The following ROR2 variants were observed in gnomAD, a reference collection of about 807,000 sequenced individuals.
ROR2 encodes the protein ROR family WNT receptor 2.
ROR2 carries 33 observed loss-of-function variants against 74.9 expected under a neutral mutation model. The ratio of observed to expected loss-of-function variants is 0.44; its 90% CI spans 0.33 to 0.59. The LOEUF (loss-of-function observed/expected upper bound fraction) is 0.59, where lower values mean the gene tolerates loss of function less well. Among genes scored for constraint, ROR2 ranks in the 20% least tolerant of loss-of-function variants. ROR2 has a pLI of 0.02. For missense variants in ROR2, 1,216 were observed against 1,313.8 expected, an observed-to-expected ratio of 0.93 and a Z score of 1.15; for synonymous variants, 586 against 558.7, an observed-to-expected ratio of 1.05 and a Z score of -0.69.
chr9:91,737,636 A>G (rs1825078825), intron 4 of ROR2, 118 bp from the exon 5 acceptor site: 1 of 1,361,056 alleles, frequency 7.3e-7, no homozygotes, highest in African/African-American at 1.5e-5. Flanking sequence ...TATTTATATA[A>G]GTAAATTTAA....
chr9:91,825,509 C>T (rs542477357), intron 1 of ROR2, among the ~76,000 whole-genome samples: 5 of 152,264 alleles, frequency 3.3e-5, no homozygotes, highest in East Asian at 1.9e-4. Context: ...ATTGCCCAGA[C>T]GATGCAGAAA....
At chr9:91,756,695 C>A (rs1022937774) in intron 3 of ROR2, among the ~76,000 whole-genome samples, 2 of 151,352 alleles carry the variant, frequency 1.3e-5, no homozygotes, top group Admixed American at 6.6e-5. Context: ...GTCTTCTGGG[C>A]TCCAGGTCCA....
intron 1 of ROR2, among the ~76,000 whole-genome samples, chr9:91,898,333 T>G (rs537613902): frequency 6.6e-6 from 1 of 152,248 alleles, no homozygotes; most frequent in South Asian, 2.1e-4. Context: ...GCACTGTGCT[T>G]AGTGCTGGGT....
At chr9:91,726,419 G>T in intron 8 of ROR2, 122 bp downstream of exon 8, 1 of 971,664 alleles carries the variant, frequency 1.0e-6, no homozygotes, top group Non-Finnish European at 1.6e-6. Context: ...AAAATGAAGC[G>T]GAGTTTAAAA....
intron 1 of ROR2, among the ~76,000 whole-genome samples, chr9:91,900,606 C>T (rs1830653318): frequency 6.6e-6 from 1 of 152,214 alleles, no homozygotes; most frequent in Non-Finnish European, 1.5e-5. Flanking sequence ...AGAGTGCTGA[C>T]AGTGAACCAG....
At chr9:91,740,423 GTA>G (rs2118746776) in intron 4 of ROR2, among the ~76,000 whole-genome samples, 1 of 152,008 alleles carries the variant, frequency 6.6e-6, no homozygotes, top group East Asian at 1.9e-4. Flanking sequence ...GTAGTGGTGG[GTA>G]CCTGTAGTCC....
chr9:91,910,739 C>T (rs1465457281), intron 1 of ROR2, among the ~76,000 whole-genome samples: 1 of 152,024 alleles, frequency 6.6e-6, no homozygotes. Context: ...TTTCAGCTCA[C>T]TGCAACCTCC....
At chr9:91,935,935 G>A (rs977826483) in intron 1 of ROR2, among the ~76,000 whole-genome samples, 4 of 152,222 alleles carry the variant, frequency 2.6e-5, no homozygotes, top group African/African-American at 7.2e-5. Flanking sequence ...CCAAGTGCAG[G>A]GATGACAAGC....
At position 91,723,012 on chromosome 9, in the gene ROR2, C is replaced by G. The variant is rs942174296; in HGVS notation, c.*650G>C. 1 of 171,044 alleles carries G rather than the reference C, an allele frequency of 5.8e-6. No homozygotes were observed. Among genetic ancestry groups the G allele is most frequent in the African/African-American group, 2.4e-5 (1 of 42,238 alleles). The allele number at this position is 171,044 out of a possible 1,614,324, so 10.6% of individuals were successfully genotyped here. ...AAATACACATGGAGTATAATTAAAA[C>G]CATTTCACCAAATACAAAGCTGTCA... On this transcript the variant is annotated 3_prime_UTR_variant, in exon 9 of 9. Transcript: ENST00000375708.
chr9:91,817,702 T>A (rs960903013), intron 1 of ROR2, among the ~76,000 whole-genome samples: 1 of 152,164 alleles, frequency 6.6e-6, no homozygotes, highest in African/African-American at 2.4e-5. Context: ...TATGGCCACC[T>A]CGCCAATATG....
chr9:91,831,489 G>C (rs1435969804), intron 1 of ROR2, among the ~76,000 whole-genome samples: 2 of 152,002 alleles, frequency 1.3e-5, no homozygotes, highest in African/African-American at 4.8e-5. Context: ...AAAAGCAAGT[G>C]AACAGGCCAG....
intron 1 of ROR2, among the ~76,000 whole-genome samples, chr9:91,947,734 G>C (rs993901831): frequency 2.0e-5 from 3 of 152,034 alleles, no homozygotes; most frequent in Non-Finnish European, 4.4e-5. Context: ...TTAAAATGTG[G>C]AATAAGAACT....
intron 7 of ROR2, 86 bp downstream of exon 7, chr9:91,730,824 C>T: frequency 6.3e-7 from 1 of 1,581,560 alleles, no homozygotes; most frequent in Non-Finnish European, 8.6e-7. Flanking sequence ...CAGAGGCACA[C>T]CCCAACCCAG....
At chr9:91,858,922 C>T (rs1238919063) in intron 1 of ROR2, among the ~76,000 whole-genome samples, 3 of 152,158 alleles carry the variant, frequency 2.0e-5, no homozygotes, top group Non-Finnish European at 2.9e-5. Context: ...AGCCAGGCAT[C>T]GGGCTCTATT....
chr9:91,778,921 A>C (rs1826513474), intron 1 of ROR2, among the ~76,000 whole-genome samples: 1 of 152,216 alleles, frequency 6.6e-6, no homozygotes, highest in African/African-American at 2.4e-5. Flanking sequence ...GAAAACATTT[A>C]ATATGAAACA....
At chr9:91,773,072 T>C (rs1016944097) in intron 2 of ROR2, among the ~76,000 whole-genome samples, 2 of 152,140 alleles carry the variant, frequency 1.3e-5, no homozygotes, top group African/African-American at 4.8e-5. Flanking sequence ...TTATTTGTGA[T>C]CACTCCACTT....
At chr9:91,904,867 T>C (rs931619380) in intron 1 of ROR2, among the ~76,000 whole-genome samples, 2 of 152,078 alleles carry the variant, frequency 1.3e-5, no homozygotes, top group Non-Finnish European at 2.9e-5. Context: ...TCTGGCTTAC[T>C]ACCTGGGACG....
At chr9:91,886,398 CGT>C (rs112431251) in intron 1 of ROR2, among the ~76,000 whole-genome samples, 3 of 152,266 alleles carry the variant, frequency 2.0e-5, no homozygotes, top group African/African-American at 4.8e-5. Context: ...TAGACGTCGG[CGT>C]GTGTCTACAC....
At chr9:91,904,201 C>G (rs183203185) in intron 1 of ROR2, among the ~76,000 whole-genome samples, 1 of 152,042 alleles carries the variant, frequency 6.6e-6, no homozygotes, top group African/African-American at 2.4e-5. Flanking sequence ...CCACCACACC[C>G]GGGCCCAGGT....
Sources: allele counts gnomAD v4.1 joint callset (sites outside exome capture counted in the v4.1 genomes callset), GRCh38; gene constraint gnomAD v4.1.1; transcripts MANE v1.5; gene names NCBI Gene and HGNC (gene_info 2026-07-23, HGNC 2026-07-21).